The following PTPRD variants were observed in gnomAD, a reference collection of about 807,000 sequenced individuals.
The protein encoded by PTPRD is protein tyrosine phosphatase receptor type D.
A neutral mutation model predicts 214.5 loss-of-function variants in PTPRD; 34 were observed. That is an observed-to-expected ratio of 0.16 (90% CI 0.12 to 0.21). The LOEUF (loss-of-function observed/expected upper bound fraction) is 0.21, where lower values mean the gene tolerates loss of function less well. PTPRD is among the 10% of genes least tolerant of loss of function. The pLI is 1.00. For missense variants in PTPRD, 2,545 were observed against 2,398.7 expected, an observed-to-expected ratio of 1.06 and a Z score of -1.27; for synonymous variants, 1,128 against 845.7, an observed-to-expected ratio of 1.33 and a Z score of -5.79.
At chr9:10,356,166 C>T (rs999053763) in intron 2 of PTPRD, among the ~76,000 whole-genome samples, 2 of 151,094 alleles carry the variant, frequency 1.3e-5, no homozygotes, top group African/African-American at 2.4e-5. Context: ...TCTGAACTGC[C>T]TGGCCACAGG....
At chr9:9,434,978 T>C (rs1443887002) in intron 8 of PTPRD, among the ~76,000 whole-genome samples, 2 of 151,356 alleles carry the variant, frequency 1.3e-5, no homozygotes, top group Non-Finnish European at 1.5e-5. Context: ...TAGAATTCTT[T>C]GTCATTGAAT....
intron 7 of PTPRD, among the ~76,000 whole-genome samples, chr9:9,719,063 C>T (rs1207216360): frequency 6.6e-6 from 1 of 152,128 alleles, no homozygotes; most frequent in Non-Finnish European, 1.5e-5. Context: ...TGTCTTATGG[C>T]CAGTTGAATG....
At chr9:8,336,942 G>GAAAC (rs1847522164) in intron 43 of PTPRD, among the ~76,000 whole-genome samples, 1 of 152,182 alleles carries the variant, frequency 6.6e-6, no homozygotes, top group African/African-American at 2.4e-5. Context: ...AAAAAGTCAG[G>GAAAC]AAACAACAGA....
intron 11 of PTPRD, among the ~76,000 whole-genome samples, chr9:8,857,464 A>G (rs1416642399): frequency 6.6e-6 from 1 of 152,154 alleles, no homozygotes; most frequent in Non-Finnish European, 1.5e-5. Context: ...CTGCCCGAGG[A>G]GGTCCAGAGG....
chr9:10,554,056 C>G (rs1566904696), intron 2 of PTPRD, among the ~76,000 whole-genome samples: 1 of 152,252 alleles, frequency 6.6e-6, no homozygotes, highest in East Asian at 1.9e-4. Context: ...AAGAACATCA[C>G]AAAGTTACAT....
intron 2 of PTPRD, among the ~76,000 whole-genome samples, chr9:10,409,920 C>T (rs934777305): frequency 8.4e-4 from 127 of 151,788 alleles, no homozygotes; most frequent in African/African-American, 2.9e-3. Context: ...GCAGCCCTGA[C>T]TGACATCTTG....
chr9:9,698,337 A>G (rs1276969643), intron 7 of PTPRD, among the ~76,000 whole-genome samples: 2 of 152,138 alleles, frequency 1.3e-5, no homozygotes, highest in Non-Finnish European at 2.9e-5. Flanking sequence ...CTTTTCTGCT[A>G]AGTTACTTTC....
chr9:10,467,709 T>C (rs912988710), intron 2 of PTPRD, among the ~76,000 whole-genome samples: 1 of 151,980 alleles, frequency 6.6e-6, no homozygotes, highest in African/African-American at 2.4e-5. Flanking sequence ...GAGATGCAAA[T>C]TGTAATGGAG....
chr9:10,415,651 G>A (rs61110363), intron 2 of PTPRD, among the ~76,000 whole-genome samples: 7,102 of 151,884 alleles, frequency 0.047, 164 homozygotes, highest in South Asian at 0.087. Flanking sequence ...ATAGAGAGAC[G>A]TGATTTTGCC....
intron 9 of PTPRD, among the ~76,000 whole-genome samples, chr9:9,359,021 T>C (rs1216358142): frequency 2.0e-5 from 3 of 151,318 alleles, no homozygotes; most frequent in African/African-American, 7.3e-5. Context: ...TTATGAATTT[T>C]CTGGAAATTA....
intron 11 of PTPRD, among the ~76,000 whole-genome samples, chr9:8,883,228 G>A (rs533665302): frequency 2.6e-5 from 4 of 152,292 alleles, no homozygotes; most frequent in African/African-American, 7.2e-5. Context: ...GGCCATGGTG[G>A]TTAAATAATG....
At chr9:9,960,464 G>C (rs1046386431) in intron 4 of PTPRD, among the ~76,000 whole-genome samples, 36 of 152,076 alleles carry the variant, frequency 2.4e-4, no homozygotes, top group African/African-American at 7.7e-4. Flanking sequence ...GTATGGAAAG[G>C]GGGGACAGGA....
At chr9:10,224,774 C>G (rs1213427966) in intron 3 of PTPRD, among the ~76,000 whole-genome samples, 1 of 151,938 alleles carries the variant, frequency 6.6e-6, no homozygotes, top group Non-Finnish European at 1.5e-5. Context: ...TCCGCCTTAG[C>G]CAACTCAGTA....
At chr9:10,482,177 C>T (rs1022968970) in intron 2 of PTPRD, among the ~76,000 whole-genome samples, 5 of 151,972 alleles carry the variant, frequency 3.3e-5, no homozygotes, top group South Asian at 4.1e-4. Flanking sequence ...TGAGACCAGC[C>T]CGGCTAACAC....
At chr9:10,387,182 T>C (rs1013847684) in intron 2 of PTPRD, among the ~76,000 whole-genome samples, 2 of 151,864 alleles carry the variant, frequency 1.3e-5, no homozygotes, top group African/African-American at 2.4e-5. Flanking sequence ...GGTAATAAAT[T>C]TGTGTTGTTT....
chr9:8,960,614 G>C (rs1409598211), intron 11 of PTPRD, among the ~76,000 whole-genome samples: 1 of 152,052 alleles, frequency 6.6e-6, no homozygotes, highest in African/African-American at 2.4e-5. Flanking sequence ...AGCTGCCCTA[G>C]CTCCATTTTA....
chr9:9,472,291 C>G (rs902674418), intron 8 of PTPRD, among the ~76,000 whole-genome samples: 3 of 148,226 alleles, frequency 2.0e-5, no homozygotes, highest in Non-Finnish European at 4.4e-5. Context: ...GCAAGCTCCG[C>G]TTCCCGGGTT....
intron 35 of PTPRD, among the ~76,000 whole-genome samples, chr9:8,428,249 C>T (rs10815867): frequency 0.36 from 54,142 of 151,924 alleles, 10,077 homozygotes; most frequent in East Asian, 0.56. Flanking sequence ...GAAAAACTGC[C>T]ATGTTCGTAA....
At chr9:9,234,775 C>T (rs2099965510) in intron 9 of PTPRD, among the ~76,000 whole-genome samples, 1 of 152,158 alleles carries the variant, frequency 6.6e-6, no homozygotes, top group South Asian at 2.1e-4. Flanking sequence ...CTGAGACCAC[C>T]TCAGCCTGGA....
Sources: gnomAD v4.1 joint callset for allele counts (sites outside exome capture counted in the v4.1 genomes callset) on GRCh38, gnomAD v4.1.1 for gene constraint, MANE v1.5 for transcripts, NCBI Gene and HGNC (gene_info 2026-07-23, HGNC 2026-07-21) for gene names.